ADAMTS19: variants seen among roughly 807,000 people sequenced by gnomAD.
The protein encoded by ADAMTS19 is ADAM metallopeptidase with thrombospondin type 1 motif 19.
Under a neutral mutation model 153.3 loss-of-function variants are expected in ADAMTS19, and 93 were observed. That is an observed-to-expected ratio of 0.61 (90% CI 0.51 to 0.72). The LOEUF (loss-of-function observed/expected upper bound fraction) is 0.72. Among genes scored for constraint, ADAMTS19 ranks in the 30% least tolerant of loss-of-function variants. The probability of loss-of-function intolerance (pLI) is 0.00; values close to 1 mark genes in which losing one functional copy is unlikely to be tolerated. For missense variants in ADAMTS19, 1,482 were observed against 1,552.1 expected, an observed-to-expected ratio of 0.95 and a Z score of 0.76; for synonymous variants, 600 against 556.6, an observed-to-expected ratio of 1.08 and a Z score of -1.10.
chr5:129,510,877 A>ATATG (rs922651898), intron 3 of ADAMTS19, among the ~76,000 whole-genome samples: 8 of 150,308 alleles, frequency 5.3e-5, no homozygotes, highest in Admixed American at 3.3e-4. Flanking sequence ...ATATATATAT[A>ATATG]TAGTAGGCAT....
At chr5:129,526,548 A>G in intron 4 of ADAMTS19, 92 bp downstream of exon 4, 1 of 1,238,296 alleles carries the variant, frequency 8.1e-7, no homozygotes, top group Non-Finnish European at 1.1e-6. Flanking sequence ...TTTAAAATTA[A>G]CTCATTACTA....
At chr5:129,623,376 AC>A (rs1561609945) in intron 10 of ADAMTS19, among the ~76,000 whole-genome samples, 1 of 151,744 alleles carries the variant, frequency 6.6e-6, no homozygotes. Flanking sequence ...TCTTCCTAAC[AC>A]ACACACATAC....
intron 16 of ADAMTS19, among the ~76,000 whole-genome samples, chr5:129,679,056 G>C (rs768510003): frequency 6.6e-6 from 1 of 151,992 alleles, no homozygotes; most frequent in Admixed American, 6.6e-5. Flanking sequence ...TCTCATTTCC[G>C]TGTCACTAAT....
intron 2 of ADAMTS19, among the ~76,000 whole-genome samples, chr5:129,487,389 A>G (rs955541072): frequency 3.3e-5 from 5 of 152,136 alleles, no homozygotes; most frequent in African/African-American, 7.2e-5. Flanking sequence ...AATTAATAAT[A>G]TTGCCCAAAA....
chr5:129,701,680 T>G, intron 20 of ADAMTS19, 88 bp downstream of exon 20: 1 of 1,390,510 alleles, frequency 7.2e-7, no homozygotes, highest in Non-Finnish European at 9.6e-7. Context: ...GAATCTGCAT[T>G]GAAGTTGATA....
intron 18 of ADAMTS19, among the ~76,000 whole-genome samples, chr5:129,685,294 G>A (rs986075171): frequency 6.6e-6 from 1 of 151,876 alleles, no homozygotes; most frequent in Non-Finnish European, 1.5e-5. Flanking sequence ...TGAAACTTGG[G>A]GTATGCCACC....
intron 3 of ADAMTS19, among the ~76,000 whole-genome samples, chr5:129,524,648 A>C (rs1751940756): frequency 6.6e-6 from 1 of 151,900 alleles, no homozygotes; most frequent in South Asian, 2.1e-4. Context: ...AAAAGATATG[A>C]ACAGACACTT....
intron 10 of ADAMTS19, among the ~76,000 whole-genome samples, chr5:129,627,738 G>A (rs948216219): frequency 6.6e-6 from 1 of 152,016 alleles, no homozygotes; most frequent in Non-Finnish European, 1.5e-5. Context: ...AAACGACAAT[G>A]AGATAACATC....
At chr5:129,714,437 A>AG (rs1554109511) in intron 21 of ADAMTS19, among the ~76,000 whole-genome samples, 2 of 150,964 alleles carry the variant, frequency 1.3e-5, no homozygotes, top group African/African-American at 2.4e-5. Flanking sequence ...AAAAAAAAAA[A>AG]AAAAAAGAAA....
intron 7 of ADAMTS19, among the ~76,000 whole-genome samples, chr5:129,579,694 T>G (rs1414092898): frequency 6.6e-6 from 1 of 152,200 alleles, no homozygotes; most frequent in Non-Finnish European, 1.5e-5. Context: ...AAATAGGGAA[T>G]CCTTTCCCCA....
At chr5:129,618,460 A>C (rs947087454) in intron 8 of ADAMTS19, among the ~76,000 whole-genome samples, 2 of 151,988 alleles carry the variant, frequency 1.3e-5, no homozygotes, top group Non-Finnish European at 2.9e-5. Flanking sequence ...ATTAGTCTTA[A>C]TTCATTAATG....
chr5:129,537,682 A>C (rs1752497214), intron 6 of ADAMTS19, among the ~76,000 whole-genome samples: 1 of 152,014 alleles, frequency 6.6e-6, no homozygotes, highest in African/African-American at 2.4e-5. Context: ...AAGGACAAAA[A>C]ACCAAACACC....
chr5:129,460,729 G>T (rs1172756478), intron 1 of ADAMTS19: 5 of 582,524 alleles, frequency 8.6e-6, no homozygotes, highest in African/African-American at 1.9e-5. Flanking sequence ...GCAAAGGTAC[G>T]TTTACAGCAC....
chr5:129,476,020 TA>T (rs1237176854), intron 2 of ADAMTS19, among the ~76,000 whole-genome samples: 2 of 152,154 alleles, frequency 1.3e-5, no homozygotes, highest in African/African-American at 4.8e-5. Context: ...CAAAACCGAT[TA>T]TTTTTTTTTC....
At chr5:129,468,842 T>C (rs1749965536) in intron 2 of ADAMTS19, among the ~76,000 whole-genome samples, 1 of 151,940 alleles carries the variant, frequency 6.6e-6, no homozygotes, top group African/African-American at 2.4e-5. Flanking sequence ...AGTGGGGCAA[T>C]CTTGGCTCAC....
In ADAMTS19 at chr5:129,622,272, C is replaced by G; in HGVS notation, c.1694C>G (p.Pro565Arg). The G allele has an allele frequency of 6.2e-7, 1 of 1,614,072 alleles. No homozygotes were observed. Among genetic ancestry groups the G allele is most frequent in the East Asian group, 2.2e-5 (1 of 44,864 alleles). ...VNSVMVPSKL[P>R]GMTYTADEQC... ...TCTGTGATGGTTCCCTCCAAGCTGC[C>G]AGGGATGACATACACTGCTGATGAA... The change falls in exon 10 of 23, where the codon CCA becomes CGA. Residue 565 changes from proline to arginine, a missense_variant. Around this residue, in one of 2 missense-constraint regions of ADAMTS19, gnomAD observed 866 missense variants for 827.7 expected, o/e 1.05. Transcript: ENST00000274487.
At chr5:129,483,933 TAA>T (rs770876151) in intron 2 of ADAMTS19, among the ~76,000 whole-genome samples, 1 of 152,276 alleles carries the variant, frequency 6.6e-6, no homozygotes, top group Middle Eastern at 3.4e-3. Flanking sequence ...CTTGCGTTAT[TAA>T]AAGTTTTATA....
At chr5:129,511,444 T>A (rs1751435952) in intron 3 of ADAMTS19, among the ~76,000 whole-genome samples, 1 of 151,800 alleles carries the variant, frequency 6.6e-6, no homozygotes, top group Non-Finnish European at 1.5e-5. Context: ...GAGCAATTCA[T>A]GTAACTTTTG....
At chr5:129,482,300 CA>C (rs1750441471) in intron 2 of ADAMTS19, among the ~76,000 whole-genome samples, 1 of 152,024 alleles carries the variant, frequency 6.6e-6, no homozygotes, top group South Asian at 2.1e-4. Context: ...TTCTCTCACC[CA>C]ACAAACTTTC....
Sources: gnomAD v4.1 joint callset for allele counts (sites outside exome capture counted in the v4.1 genomes callset) on GRCh38, gnomAD v4.1.1 for gene constraint, gnomAD v4.1.1 regional missense constraint, MANE v1.5 for transcripts, NCBI Gene and HGNC (gene_info 2026-07-23, HGNC 2026-07-21) for gene names.